The following PCDHGB6 variants were observed in gnomAD, a reference collection of about 807,000 sequenced individuals.
The protein encoded by PCDHGB6 is protocadherin gamma-B6.
PCDHGB6 carries 51 observed loss-of-function variants against 59.1 expected under a neutral mutation model. That is an observed-to-expected ratio of 0.86 (90% CI 0.69 to 1.09). PCDHGB6 has a LOEUF of 1.09. Among genes scored for constraint, PCDHGB6 ranks in the 50% least tolerant of loss-of-function variants. PCDHGB6 has a pLI of 0.00. For missense variants in PCDHGB6, 1,148 were observed against 1,205.1 expected (o/e 0.95, Z 0.70); for synonymous variants, 466 against 495.1 (o/e 0.94, Z 0.78).
intron 1 of PCDHGB6, chr5:141,415,466 C>T (rs1187128064): frequency 6.2e-7 from 1 of 1,614,224 alleles, no homozygotes. Flanking sequence ...GTCTCTCTCA[C>T]CGCGGACTCG....
intron 1 of PCDHGB6, chr5:141,441,809 C>A: frequency 2.7e-6 from 1 of 373,176 alleles, no homozygotes; most frequent in East Asian, 9.0e-5. Context: ...GGGTGCTGTA[C>A]CCCAGCTCTG....
At chr5:141,414,148 G>C in intron 1 of PCDHGB6, 7 of 1,598,900 alleles carry the variant, frequency 4.4e-6, no homozygotes, top group Non-Finnish European at 6.0e-6. Flanking sequence ...AGAAATACAA[G>C]CAGAAGATGG....
In PCDHGB6 at chr5:141,410,441, A is replaced by C. The variant is rs1242063924; in HGVS notation, c.2239A>C (p.Thr747Pro). The C allele has an allele frequency of 6.2e-7, 1 of 1,613,828 alleles. No homozygotes were observed. Among genetic ancestry groups the C allele is most frequent in the South Asian group, 1.1e-5 (1 of 91,078 alleles). Residue 747 changes from threonine (T) to proline (P), a missense_variant, in exon 1 of 4, where the codon ACT becomes CCT. Thr to Pro is a conservative substitution (Grantham distance 38). Transcript: ENST00000520790. ...AGTTCCCCCCAACTACAGTGAGGGG[A>C]CTTTGCCTTATTCTTATAATCTGTG... is the stretch of plus-strand genomic sequence containing the variant. The part of the protein sequence containing the change: ...PVVPPNYSEG[T>P]LPYSYNLCIA...
chr5:141,491,493 G>A lies in PCDHGB6; in HGVS notation c.2419-3314G>A, dbSNP rs1008591563. On this transcript the variant is annotated intron_variant, in intron 1 of 3. Transcript: ENST00000520790. This position sits in a 1 kb window ranked among gnomAD's most constrained non-coding sequence, Gnocchi z 6.9. ...AGCAGTCCAGCCCCAACCTGCAGGT[G>A]AGCTCGGACGGCACGCTCAAGTACA... 6.2e-7 allele frequency: 1 copy of A among 1,614,000 alleles called. No homozygotes were observed. Among genetic ancestry groups the A allele is most frequent in the African/African-American group, 1.3e-5 (1 of 74,928 alleles).
Position 141,410,078 on chromosome 5 carries a change from G to T in PCDHGB6, c.1876G>T (p.Val626Leu). ...LFSLGLRTGE[V>L]RTARALGDRD... ...CAGCCTGGGGCTGCGCACTGGGGAG[G>T]TGCGCACGGCTCGAGCCTTAGGCGA... The change falls in exon 1 of 4, where the codon GTG becomes TTG. Residue 626 changes from valine (V) to leucine (L), a missense_variant. Val to Leu is a conservative substitution (Grantham distance 32). Coordinates refer to ENST00000520790, the MANE Select transcript of PCDHGB6 (RefSeq NM_018926.3). 2.5e-6 allele frequency: 4 copies of T among 1,612,820 alleles called. No homozygotes were observed. The highest frequency in any genetic ancestry group is 2.2e-5 in the East Asian group (1 of 44,874).
Position 141,485,863 on chromosome 5 carries a change from A to G in PCDHGB6, c.2419-8944A>G, listed in dbSNP as rs770864367. 78 of 1,614,054 alleles carry G rather than the reference A, an allele frequency of 4.8e-5. No individual in the cohort carries two copies. Among genetic ancestry groups the G allele is most frequent in the Non-Finnish European group, 6.0e-5 (71 of 1,180,040 alleles). ...GATCTGGCACCGCAGAGCTCCGGGT[A>G]TCCGTGCTGGACGTAAACGACAACG... On this transcript the variant is annotated intron_variant, in intron 1 of 3. Coordinates refer to ENST00000520790, the MANE Select transcript of PCDHGB6 (RefSeq NM_018926.3). The surrounding 1 kb of genome is among the most constrained non-coding windows in gnomAD (Gnocchi z 5.7).
chr5:141,433,168 T>A, intron 1 of PCDHGB6: 6 of 1,613,438 alleles, frequency 3.7e-6, no homozygotes, highest in Non-Finnish European at 3.4e-6. Context: ...CTAAAGACAG[T>A]CATGGGTTAA....
intron 1 of PCDHGB6, among the ~76,000 whole-genome samples, chr5:141,443,082 C>A (rs958408385): frequency 6.6e-6 from 1 of 151,624 alleles, no homozygotes; most frequent in African/African-American, 2.4e-5. Flanking sequence ...ACTGAGTGTT[C>A]CAGTCTCCTT....
intron 3 of PCDHGB6, among the ~76,000 whole-genome samples, chr5:141,506,567 T>G (rs2099855029): frequency 6.6e-6 from 1 of 152,182 alleles, no homozygotes; most frequent in Non-Finnish European, 1.5e-5. Flanking sequence ...CCCCCTCGGT[T>G]TCACTTACTA....
rs2099747616 is a variant in PCDHGB6 at position 141,493,318 on chromosome 5, TA to T, written c.2419-1487del. 6.6e-6 allele frequency among the ~76,000 whole-genome samples: 1 copy of T among 152,234 alleles called. No homozygotes were observed. Among genetic ancestry groups the T allele is most frequent in the South Asian group, 2.1e-4 (1 of 4,828 alleles). On this transcript the variant is annotated intron_variant, in intron 1 of 3. Coordinates refer to ENST00000520790, the MANE Select transcript of PCDHGB6 (RefSeq NM_018926.3). This position sits in a 1 kb window ranked among gnomAD's most constrained non-coding sequence, Gnocchi z 4.3. ...TTCACAGAGCAAGTAAGAGAGATTC[TA>T]ACCCCTGTCTAACTCCAGAATGTGT...
intron 3 of PCDHGB6, 157 bp downstream of exon 3, chr5:141,505,638 T>C: frequency 1.0e-6 from 1 of 968,044 alleles, no homozygotes; most frequent in Non-Finnish European, 1.2e-6. Context: ...ACATAAAGCC[T>C]GGAATTGTGG....
Position 141,476,935 on chromosome 5 carries a change from A to G in PCDHGB6, c.2419-17872A>G. The G allele has an allele frequency of 6.2e-7, 1 of 1,614,166 alleles. No homozygotes were observed. Among genetic ancestry groups the G allele is most frequent in the Non-Finnish European group, 8.5e-7 (1 of 1,180,046 alleles). Reference sequence around the variant, plus strand: ...AAGTCCTTGCAACGGATCTGGATGAAGGCCCCAACGGTGAAATTATTTACT... The same window carrying G: ...AAGTCCTTGCAACGGATCTGGATGAGGGCCCCAACGGTGAAATTATTTACT... On this transcript the variant is annotated intron_variant, in intron 1 of 3. Transcript: ENST00000520790. This position sits in a 1 kb window ranked among gnomAD's most constrained non-coding sequence, Gnocchi z 7.6.
chr5:141,424,365 T>A (rs933291305), intron 1 of PCDHGB6: 7 of 152,246 alleles, frequency 4.6e-5, no homozygotes, highest in African/African-American at 1.7e-4. Context: ...TAGATCACAT[T>A]TTTTCTTAAG....
intron 1 of PCDHGB6, chr5:141,427,447 T>A (rs556527924): frequency 1.9e-4 from 92 of 483,324 alleles, no homozygotes; most frequent in African/African-American, 1.4e-3. Context: ...AACGAAAGAG[T>A]TCCTTTTAGA....
At chr5:141,508,983 C>T (rs532410967) in intron 3 of PCDHGB6, among the ~76,000 whole-genome samples, 44 of 152,148 alleles carry the variant, frequency 2.9e-4, no homozygotes, top group Non-Finnish European at 4.4e-4. Flanking sequence ...GGGGTGGGGG[C>T]CAGCTGGGGT....
Position 141,477,383 on chromosome 5 carries a change from T to A in PCDHGB6, c.2419-17424T>A. 6.2e-7 allele frequency: 1 copy of A among 1,614,102 alleles called. No homozygotes were observed. Among genetic ancestry groups the A allele is most frequent in the Non-Finnish European group, 8.5e-7 (1 of 1,180,006 alleles). On this transcript the variant is annotated intron_variant, in intron 1 of 3. Transcript: ENST00000520790. This position sits in a 1 kb window ranked among gnomAD's most constrained non-coding sequence, Gnocchi z 4.9. Reference sequence around the variant, plus strand: ...CCTGGATCGGGAGACTGTGCCAGAATACAACCTCAGCATCACCGCCCGAGA... The same window carrying A: ...CCTGGATCGGGAGACTGTGCCAGAAAACAACCTCAGCATCACCGCCCGAGA...
At chr5:141,438,649 CACAT>C (rs2098044358) in intron 1 of PCDHGB6, among the ~76,000 whole-genome samples, 1 of 100,976 alleles carries the variant, frequency 9.9e-6, no homozygotes, top group Non-Finnish European at 2.0e-5. Context: ...CACACACACA[CACAT>C]ATATGTATAT....
chr5:141,485,185 G>C lies in PCDHGB6; in HGVS notation c.2419-9622G>C. On this transcript the variant is annotated intron_variant, in intron 1 of 3. Transcript: ENST00000520790. This position sits in a 1 kb window ranked among gnomAD's most constrained non-coding sequence, Gnocchi z 5.7. ...AGCGGGCGGCAGCAATGCTCCGCAA[G>C]GTGAGAAGCTGGACAGAAATCTGGC... 6.2e-7 allele frequency: 1 copy of C among 1,613,528 alleles called. No homozygotes were observed. Among genetic ancestry groups the C allele is most frequent in the Non-Finnish European group, 8.5e-7 (1 of 1,179,492 alleles).
rs187177915 is a variant in PCDHGB6 at position 141,472,338 on chromosome 5, G to A, written c.2419-22469G>A. ...AGGCAGATCACGAGGTTGGGAGATC[G>A]AGACCATCCTGGCTAACACGGTGAA... On this transcript the variant is annotated intron_variant, in intron 1 of 3. Transcript: ENST00000520790. Among the ~76,000 whole-genome samples, 23 of 151,526 alleles carry A rather than the reference G, an allele frequency of 1.5e-4. No homozygotes were observed. The East Asian group carries it at 3.2e-3, about 21-fold the overall frequency.
Sources: allele counts gnomAD v4.1 joint callset (sites outside exome capture counted in the v4.1 genomes callset), GRCh38; gene constraint gnomAD v4.1.1; non-coding constraint Gnocchi (gnomAD v3.1); transcripts MANE v1.5; gene names NCBI Gene and HGNC (gene_info 2026-07-23, HGNC 2026-07-21).